IGFBP7: variants seen among roughly 807,000 people sequenced by gnomAD.
IGFBP7 encodes the protein insulin like growth factor binding protein 7.
In IGFBP7, 31 loss-of-function variants were observed where a neutral mutation model predicts 29.4. The observed-to-expected ratio is 1.05, with a 90% CI of 0.79 to 1.42. IGFBP7 has a LOEUF of 1.42. Among genes scored for constraint, IGFBP7 ranks in the 40% most tolerant of loss-of-function variants. The pLI, the probability that IGFBP7 is intolerant of heterozygous loss-of-function variation, is 0.00. For synonymous variants in IGFBP7, 172 were observed against 174.9 expected (o/e 0.98, Z 0.13); for missense variants, 393 against 395.5 (o/e 0.99, Z 0.05).
At chr4:57,062,019 G>A (rs574901958) in intron 1 of IGFBP7, among the ~76,000 whole-genome samples, 49 of 152,172 alleles carry the variant, frequency 3.2e-4, no homozygotes, top group African/African-American at 1.2e-3. Context: ...AATCTTGTGA[G>A]AGAAGCCAGT....
intron 1 of IGFBP7, among the ~76,000 whole-genome samples, chr4:57,051,638 G>A (rs1269287712): frequency 2.6e-5 from 4 of 152,184 alleles, no homozygotes; most frequent in Non-Finnish European, 4.4e-5. Context: ...AAAATGCTGG[G>A]AGGTAATAGA....
chr4:57,064,752 AG>A (rs1285177832), intron 1 of IGFBP7, among the ~76,000 whole-genome samples: 1 of 152,228 alleles, frequency 6.6e-6, no homozygotes, highest in Non-Finnish European at 1.5e-5. Flanking sequence ...CTTATATAAG[AG>A]GCCCCAGGGG....
At chr4:57,058,230 A>G (rs571375593) in intron 1 of IGFBP7, among the ~76,000 whole-genome samples, 1 of 152,378 alleles carries the variant, frequency 6.6e-6, no homozygotes, top group Non-Finnish European at 1.5e-5. Flanking sequence ...TGATTAAAGA[A>G]CAGATCTTTC....
chr4:57,056,635 G>T (rs11573082), intron 1 of IGFBP7, among the ~76,000 whole-genome samples: 1,889 of 152,244 alleles, frequency 0.012, 47 homozygotes, highest in African/African-American at 0.043. Context: ...CTTTGCATAA[G>T]GAATTTACCA....
intron 4 of IGFBP7, 85 bp downstream of exon 4, chr4:57,032,341 C>T (rs911563503): frequency 2.5e-5 from 38 of 1,546,094 alleles, no homozygotes; most frequent in Admixed American, 3.9e-5. Context: ...TCAATAGCTA[C>T]GTCTGATACT....
chr4:57,095,165 G>C (rs1368636316), intron 1 of IGFBP7, among the ~76,000 whole-genome samples: 1 of 152,222 alleles, frequency 6.6e-6, no homozygotes, highest in African/African-American at 2.4e-5. Flanking sequence ...ATTCTGGCTT[G>C]AGCTGCAGTG....
intron 1 of IGFBP7, among the ~76,000 whole-genome samples, chr4:57,054,639 C>CAAAAAAAAAAAAAAAAAAAA (rs75161514): frequency 2.2e-4 from 6 of 27,834 alleles, no homozygotes; most frequent in East Asian, 2.3e-3. Context: ...CTCTCTCTCA[C>CAAAAAAAAAAAAAAAAAAAA]AAAAAAAAAA....
At chr4:57,062,945 A>T (rs1461894295) in intron 1 of IGFBP7, among the ~76,000 whole-genome samples, 2 of 152,186 alleles carry the variant, frequency 1.3e-5, no homozygotes, top group Non-Finnish European at 2.9e-5. Context: ...ACATTTACTA[A>T]ACTGTAAAAT....
At chr4:57,088,129 T>G (rs1220947675) in intron 1 of IGFBP7, among the ~76,000 whole-genome samples, 1 of 55,350 alleles carries the variant, frequency 1.8e-5, no homozygotes, top group Non-Finnish European at 3.9e-5. Flanking sequence ...CTACCACACC[T>G]GGCTAATCTT....
intron 1 of IGFBP7, among the ~76,000 whole-genome samples, chr4:57,079,867 G>A (rs1725321226): frequency 6.6e-6 from 1 of 152,184 alleles, no homozygotes; most frequent in East Asian, 1.9e-4. Context: ...CAGGCACAGT[G>A]CAGGCTCATC....
chr4:57,094,136 G>C (rs1324388313), intron 1 of IGFBP7, among the ~76,000 whole-genome samples: 1 of 152,194 alleles, frequency 6.6e-6, no homozygotes, highest in African/African-American at 2.4e-5. Flanking sequence ...CCTTAGAGCA[G>C]GGGCAGTCTT....
chr4:57,057,232 A>G (rs1200785466), intron 1 of IGFBP7, among the ~76,000 whole-genome samples: 1 of 152,054 alleles, frequency 6.6e-6, no homozygotes. Flanking sequence ...CTGGTCTCGA[A>G]CTCCTGGGCT....
rs770310202 is a variant in IGFBP7, at chr4:57,110,332, C to A, written c.20G>T (p.Arg7Leu). The A allele has an allele frequency of 1.2e-5, 16 of 1,389,912 alleles. No individual in the cohort carries two copies. In the South Asian group the frequency reaches 2.2e-4, roughly 19 times the overall value. The allele number at this position is 1,389,912 out of a possible 1,614,324, so 86.1% of individuals were successfully genotyped here. Reference protein sequence around the residue: MERPSLRALLLGAAGLL... With the variant: MERPSLLALLLGAAGLL... ...CCCAGCGGCGCCGAGGAGCAGGGCGCGCAGCGACGGCCGCTCCATGGCGGG... is the reference window on the plus strand; with the variant it reads ...CCCAGCGGCGCCGAGGAGCAGGGCGAGCAGCGACGGCCGCTCCATGGCGGG... Residue 7 changes from arginine to leucine, a missense_variant, in exon 1 of 5, where the codon CGC (arginine) becomes CTC (leucine). Coordinates refer to ENST00000295666, the MANE Select transcript of IGFBP7 (RefSeq NM_001553.3).
intron 1 of IGFBP7, chr4:57,072,548 T>G (rs1618761): frequency 0.88 from 193,175 of 220,742 alleles, 84,870 homozygotes; most frequent in East Asian, 0.99. Flanking sequence ...AATTAAATAG[T>G]CAGTTGCAGT....
At chr4:57,053,315 C>T (rs35151022) in intron 1 of IGFBP7, among the ~76,000 whole-genome samples, 35,775 of 151,760 alleles carry the variant, frequency 0.24, 4,498 homozygotes, top group East Asian at 0.33. Flanking sequence ...CCGCACCTGG[C>T]CCTTGATGAT....
intron 1 of IGFBP7, among the ~76,000 whole-genome samples, chr4:57,082,529 G>A (rs1725395815): frequency 6.6e-6 from 1 of 152,112 alleles, no homozygotes; most frequent in Non-Finnish European, 1.5e-5. Flanking sequence ...GTAATTAGAA[G>A]AAGGAAAGAA....
chr4:57,053,405 G>A (rs1298726540), intron 1 of IGFBP7, among the ~76,000 whole-genome samples: 1 of 152,180 alleles, frequency 6.6e-6, no homozygotes, highest in African/African-American at 2.4e-5. Context: ...TCTGACTCCA[G>A]GGTGTGGTTC....
At chr4:57,088,434 A>G (rs1288192606) in intron 1 of IGFBP7, among the ~76,000 whole-genome samples, 1 of 152,172 alleles carries the variant, frequency 6.6e-6, no homozygotes, top group East Asian at 1.9e-4. Context: ...CATTTTCTCC[A>G]TATAATACCA....
Position 57,030,860 on chromosome 4 carries a change from A to T in IGFBP7, c.*457T>A, listed in dbSNP as rs368572055. ...GGGGTAGAGAAGTGGGGTCACTTCA[A>T]TACAATTCTGCTAATTACCATTTGT... is the stretch of plus-strand genomic sequence containing the variant. On this transcript the variant is annotated 3_prime_UTR_variant, in exon 5 of 5. Coordinates refer to ENST00000295666, the MANE Select transcript of IGFBP7 (RefSeq NM_001553.3). 1.7e-5 allele frequency: 21 copies of T among 1,223,412 alleles called. No homozygotes were observed. The highest frequency in any genetic ancestry group is 4.4e-5 in the African/African-American group (3 of 67,530). 75.8% of individuals were successfully genotyped at this position (1,223,412 alleles called of 1,614,324 possible). A position where few individuals can be genotyped will look rare whatever the true frequency, so the allele number is the denominator to read the frequency against.
Sources: allele counts gnomAD v4.1 joint callset (sites outside exome capture counted in the v4.1 genomes callset), GRCh38; gene constraint gnomAD v4.1.1; transcripts MANE v1.5; gene names NCBI Gene and HGNC (gene_info 2026-07-23, HGNC 2026-07-21).